The following BTBD9 variants were observed in gnomAD, a reference collection of about 807,000 sequenced individuals.
BTBD9 encodes BTB/POZ domain-containing protein 9.
BTBD9 carries 49 observed loss-of-function variants against 64.3 expected under a neutral mutation model. The observed-to-expected ratio is 0.76, with a 90% CI of 0.61 to 0.97. BTBD9 has a LOEUF of 0.97. Among genes scored for constraint, BTBD9 ranks in the 50% least tolerant of loss-of-function variants. The pLI, the probability that BTBD9 is intolerant of heterozygous loss-of-function variation, is 0.00. For missense variants in BTBD9, 598 were observed against 762.1 expected, an observed-to-expected ratio of 0.78 and a Z score of 2.53; for synonymous variants, 260 against 274.7, an observed-to-expected ratio of 0.95 and a Z score of 0.53.
intron 7 of BTBD9, among the ~76,000 whole-genome samples, chr6:38,323,477 T>TACCC (rs1763310818): frequency 6.6e-6 from 1 of 152,160 alleles, no homozygotes; most frequent in African/African-American, 2.4e-5. Flanking sequence ...GGAAGCCAGC[T>TACCC]GGGTAGGGGT....
chr6:38,379,948 T>A (rs1328745822), intron 6 of BTBD9, among the ~76,000 whole-genome samples: 1 of 152,108 alleles, frequency 6.6e-6, no homozygotes, highest in African/African-American at 2.4e-5. Flanking sequence ...AAGAAAGATG[T>A]CCCACATAGA....
intron 9 of BTBD9, among the ~76,000 whole-genome samples, chr6:38,231,647 C>T (rs559229205): frequency 6.6e-6 from 1 of 152,238 alleles, no homozygotes; most frequent in African/African-American, 2.4e-5. Context: ...ATAAAGTGGG[C>T]CATAAAAGAG....
intron 2 of BTBD9, among the ~76,000 whole-genome samples, chr6:38,595,520 G>A (rs941964042): frequency 4.6e-5 from 7 of 152,036 alleles, no homozygotes; most frequent in African/African-American, 7.2e-5. Flanking sequence ...AGGACGAAGA[G>A]GACAAGGGAG....
chr6:38,256,591 TC>T, intron 8 of BTBD9, 75 bp from the exon 9 acceptor site: 2 of 994,202 alleles, frequency 2.0e-6, no homozygotes, highest in Non-Finnish European at 3.1e-6. Context: ...GGCATATCCC[TC>T]CCACCCACCT....
chr6:38,338,520 T>A (rs1389759781), intron 7 of BTBD9, among the ~76,000 whole-genome samples: 2 of 152,126 alleles, frequency 1.3e-5, no homozygotes, highest in Admixed American at 6.5e-5. Flanking sequence ...AAGCTGATAA[T>A]AGAATCTTAT....
At chr6:38,607,340 T>A (rs1323462574) in intron 1 of BTBD9, among the ~76,000 whole-genome samples, 1 of 152,170 alleles carries the variant, frequency 6.6e-6, no homozygotes, top group Admixed American at 6.5e-5. Context: ...ACGATATATG[T>A]CTTTCTAAAA....
At chr6:38,593,931 T>G (rs1321902580) in intron 3 of BTBD9, 33 bp downstream of exon 3, 1 of 1,552,078 alleles carries the variant, frequency 6.4e-7, no homozygotes, top group African/African-American at 1.4e-5. Flanking sequence ...AAACAATGCA[T>G]GCCTATAAAT....
chr6:38,248,610 A>G (rs1764288395), intron 9 of BTBD9, among the ~76,000 whole-genome samples: 1 of 152,230 alleles, frequency 6.6e-6, no homozygotes, highest in Non-Finnish European at 1.5e-5. Flanking sequence ...CAAGCACACG[A>G]AAGGTAAGGA....
At chr6:38,191,571 G>T (rs910178851) in intron 10 of BTBD9, among the ~76,000 whole-genome samples, 1 of 152,214 alleles carries the variant, frequency 6.6e-6, no homozygotes, top group African/African-American at 2.4e-5. Flanking sequence ...AGGCACCCAG[G>T]GCACTATCCT....
intron 6 of BTBD9, among the ~76,000 whole-genome samples, chr6:38,363,928 C>A (rs1765081805): frequency 6.6e-6 from 1 of 151,974 alleles, no homozygotes; most frequent in South Asian, 2.1e-4. Context: ...CAATTTAAAC[C>A]TTGTGGGCTC....
chr6:38,224,102 A>G (rs932926162), intron 9 of BTBD9, among the ~76,000 whole-genome samples: 1 of 152,130 alleles, frequency 6.6e-6, no homozygotes, highest in Non-Finnish European at 1.5e-5. Flanking sequence ...AGTCCCAGCT[A>G]CTTTGGGGGC....
chr6:38,324,096 C>T (rs1396832297), intron 7 of BTBD9, among the ~76,000 whole-genome samples: 1 of 152,028 alleles, frequency 6.6e-6, no homozygotes, highest in Non-Finnish European at 1.5e-5. Context: ...GCCTGTCTCG[C>T]GGTACGGGGA....
intron 9 of BTBD9, among the ~76,000 whole-genome samples, chr6:38,224,344 G>T (rs1470608364): frequency 6.6e-6 from 1 of 152,150 alleles, no homozygotes; most frequent in Non-Finnish European, 1.5e-5. Context: ...GTTGGCAAGC[G>T]CCTGGCCTGA....
At chr6:38,300,077 G>T (rs1240150753) in intron 7 of BTBD9, among the ~76,000 whole-genome samples, 1 of 152,100 alleles carries the variant, frequency 6.6e-6, no homozygotes, top group African/African-American at 2.4e-5. Flanking sequence ...TCTACATATG[G>T]CTAGCCAGTT....
Position 38,352,441 on chromosome 6 carries a change from T to C in BTBD9, c.1155-7348A>G, listed in dbSNP as rs533197224. Among the ~76,000 whole-genome samples the C allele has an allele frequency of 3.9e-5, 6 of 151,958 alleles. No homozygotes were observed. The South Asian group carries it at 1.0e-3, about 26-fold the overall frequency. On this transcript the variant is annotated intron_variant, in intron 6 of 10. Transcript: ENST00000481247. ...CCCCATGAGGAATCGGCCAGAAGCCTTGATCAGACATAAGCCTTGATCTGG... is the reference window on the plus strand; with the variant it reads ...CCCCATGAGGAATCGGCCAGAAGCCCTGATCAGACATAAGCCTTGATCTGG...
chr6:38,343,891 C>T (rs959526373), intron 7 of BTBD9, among the ~76,000 whole-genome samples: 7 of 152,104 alleles, frequency 4.6e-5, no homozygotes, highest in Admixed American at 2.6e-4. Context: ...ATTTAGGCTA[C>T]GACCATTCAA....
chr6:38,572,095 T>C (rs1278630097), intron 6 of BTBD9, among the ~76,000 whole-genome samples: 3 of 152,112 alleles, frequency 2.0e-5, no homozygotes, highest in Non-Finnish European at 4.4e-5. Flanking sequence ...AACCATCCTA[T>C]TTAAAATAAT....
At chr6:38,545,892 AC>A (rs1477397705) in intron 6 of BTBD9, among the ~76,000 whole-genome samples, 19 of 139,616 alleles carry the variant, frequency 1.4e-4, no homozygotes, top group African/African-American at 4.8e-4. Context: ...ACACACACAC[AC>A]ACACACACTG....
intron 6 of BTBD9, among the ~76,000 whole-genome samples, chr6:38,433,195 C>T (rs933566695): frequency 6.6e-6 from 1 of 151,932 alleles, no homozygotes; most frequent in Non-Finnish European, 1.5e-5. Flanking sequence ...TCTCCCTTTA[C>T]TTGGAATGCT....
Sources: allele counts gnomAD v4.1 joint callset (sites outside exome capture counted in the v4.1 genomes callset), GRCh38; gene constraint gnomAD v4.1.1; transcripts MANE v1.5; gene names NCBI Gene and HGNC (gene_info 2026-07-23, HGNC 2026-07-21).